Variants in RIMS2 observed in about 807,000 individuals in gnomAD.
RIMS2 encodes regulating synaptic membrane exocytosis protein 2.
Under a neutral mutation model 174.4 loss-of-function variants are expected in RIMS2, and 59 were observed. The observed-to-expected ratio is 0.34, with a 90% CI of 0.27 to 0.42. RIMS2 has a LOEUF of 0.42. RIMS2 is among the 10% of genes least tolerant of loss of function. The pLI is 1.00. For synonymous variants in RIMS2, 606 were observed against 572.5 expected, an observed-to-expected ratio of 1.06 and a Z score of -0.84; for missense variants, 1,620 against 1,666.3, an observed-to-expected ratio of 0.97 and a Z score of 0.48.
chr8:103,508,843 TGAG>T (rs1825042945), intron 1 of RIMS2, among the ~76,000 whole-genome samples: 1 of 151,932 alleles, frequency 6.6e-6, no homozygotes. Context: ...TTTGAAAAAT[TGAG>T]GAGCCAAAAT....
chr8:104,059,066 C>G (rs2096927657), intron 19 of RIMS2, among the ~76,000 whole-genome samples: 1 of 150,972 alleles, frequency 6.6e-6, no homozygotes, highest in Non-Finnish European at 1.5e-5. Flanking sequence ...TTTTTTGGTT[C>G]CATATGAACT....
intron 19 of RIMS2, among the ~76,000 whole-genome samples, chr8:104,231,854 A>G (rs1298624075): frequency 6.6e-6 from 1 of 152,214 alleles, no homozygotes; most frequent in East Asian, 1.9e-4. Flanking sequence ...ATTTTTAAAA[A>G]TTTAAAATTT....
intron 19 of RIMS2, among the ~76,000 whole-genome samples, chr8:104,125,329 T>C (rs912464394): frequency 4.6e-5 from 7 of 152,222 alleles, no homozygotes; most frequent in African/African-American, 1.7e-4. Context: ...ATGTTGCTTT[T>C]GTTGAAACCC....
chr8:104,094,774 T>A (rs1235721347), intron 19 of RIMS2: 3 of 590,882 alleles, frequency 5.1e-6, no homozygotes, highest in South Asian at 4.5e-5. Flanking sequence ...TAATGTAGTC[T>A]TTTTTACCAT....
chr8:103,989,945 ATTGT>A (rs1045421409), intron 17 of RIMS2, among the ~76,000 whole-genome samples: 24 of 152,216 alleles, frequency 1.6e-4, no homozygotes, highest in African/African-American at 5.5e-4. Context: ...CATCTTAAAG[ATTGT>A]TTGCTGTATT....
intron 1 of RIMS2, among the ~76,000 whole-genome samples, chr8:103,632,960 C>T (rs1266004892): frequency 6.7e-6 from 1 of 148,908 alleles, no homozygotes; most frequent in Non-Finnish European, 1.5e-5. Flanking sequence ...ATCTCTATCT[C>T]CTGACCCTGT....
Position 103,982,637 on chromosome 8 carries a change from GAAGTACTA to G in RIMS2, c.2928-6665_2928-6658del, listed in dbSNP as rs374383741. Among the ~76,000 whole-genome samples, 688 of 152,188 alleles carry G rather than the reference GAAGTACTA, an allele frequency of 4.5e-3. 5 individuals are homozygous for G. The highest frequency in any genetic ancestry group is 0.016 in the African/African-American group (650 of 41,538). ...ATGTGATATATCATATCATCAGAATGAAGTACTAAAACCATATGATTATTTTAATTGTT... is the reference window on the plus strand; with the variant it reads ...ATGTGATATATCATATCATCAGAATGAAACCATATGATTATTTTAATTGTT... On this transcript the variant is annotated intron_variant, in intron 16 of 23. Coordinates refer to ENST00000504942, the Ensembl canonical transcript of RIMS2.
intron 3 of RIMS2, among the ~76,000 whole-genome samples, chr8:103,781,729 T>C: frequency 1.4e-5 from 2 of 141,054 alleles, no homozygotes; most frequent in Admixed American, 7.8e-5. Context: ...GTATATTATC[T>C]CCCCTAATCT....
At chr8:103,536,712 A>T (rs1251264757) in intron 1 of RIMS2, among the ~76,000 whole-genome samples, 1 of 152,176 alleles carries the variant, frequency 6.6e-6, no homozygotes, top group Non-Finnish European at 1.5e-5. Flanking sequence ...CCATCATGAG[A>T]ACAGCACCAG....
chr8:103,721,008 G>A (rs773370820), intron 2 of RIMS2, among the ~76,000 whole-genome samples: 1 of 152,106 alleles, frequency 6.6e-6, no homozygotes, highest in Non-Finnish European at 1.5e-5. Flanking sequence ...TGTTAGAGGC[G>A]GGGCCTGGTG....
intron 1 of RIMS2, among the ~76,000 whole-genome samples, chr8:103,569,278 G>A (rs926574072): frequency 2.6e-5 from 4 of 151,972 alleles, no homozygotes; most frequent in African/African-American, 9.7e-5. Flanking sequence ...AGCACTATTT[G>A]TTGTAAATAC....
chr8:104,133,682 T>C (rs2098492841), intron 19 of RIMS2, among the ~76,000 whole-genome samples: 1 of 152,130 alleles, frequency 6.6e-6, no homozygotes, highest in East Asian at 1.9e-4. Context: ...GTGGCATGGA[T>C]TTGAATGGTC....
intron 16 of RIMS2, among the ~76,000 whole-genome samples, chr8:103,979,990 G>T (rs1482365540): frequency 6.6e-6 from 1 of 152,048 alleles, no homozygotes; most frequent in Admixed American, 6.6e-5. Flanking sequence ...TGGAGTCCTA[G>T]GTAAACTGGA....
intron 3 of RIMS2, among the ~76,000 whole-genome samples, chr8:103,784,878 A>G (rs1194492781): frequency 3.1e-5 from 4 of 129,850 alleles, no homozygotes; most frequent in African/African-American, 9.0e-5. Flanking sequence ...CATTTTCACG[A>G]TATTGATTCT....
At chr8:103,730,447 A>G (rs1445448649) in intron 2 of RIMS2, among the ~76,000 whole-genome samples, 1 of 151,988 alleles carries the variant, frequency 6.6e-6, no homozygotes, top group Non-Finnish European at 1.5e-5. Flanking sequence ...CTTGAAATGT[A>G]TTTTGTCTAA....
At chr8:103,818,015 T>C (rs1459961847) in intron 3 of RIMS2, among the ~76,000 whole-genome samples, 1 of 151,818 alleles carries the variant, frequency 6.6e-6, no homozygotes, top group East Asian at 1.9e-4. Flanking sequence ...TAAAATAAAA[T>C]AATAAACTGA....
chr8:104,227,167 A>T (rs1435191997), intron 19 of RIMS2, among the ~76,000 whole-genome samples: 1 of 147,764 alleles, frequency 6.8e-6, no homozygotes. Flanking sequence ...ATAAATTAAG[A>T]TTGTCGATGG....
chr8:103,582,424 C>G lies in RIMS2; in HGVS notation c.176+81362C>G, dbSNP rs528851900. The stretch of plus-strand genomic sequence containing the variant: ...AAAGCAGAGGGAAAAGTAAAGGGAA[C>G]TTTGTCTTGCACCTTAGGTGCCAAC... On this transcript the variant is annotated intron_variant, in intron 1 of 23. Transcript: ENST00000504942. Among the ~76,000 whole-genome samples the G allele has an allele frequency of 2.8e-4, 42 of 152,288 alleles. No individual in the cohort carries two copies. In the South Asian group the frequency reaches 3.7e-3, roughly 14 times the overall value.
At chr8:104,014,000 C>T (rs1157511790) in intron 18 of RIMS2, among the ~76,000 whole-genome samples, 1 of 152,016 alleles carries the variant, frequency 6.6e-6, no homozygotes, top group East Asian at 1.9e-4. Flanking sequence ...TTCTTTCTAT[C>T]GATACTAATA....
Sources: allele counts gnomAD v4.1 joint callset (sites outside exome capture counted in the v4.1 genomes callset), GRCh38; gene constraint gnomAD v4.1.1; transcripts MANE v1.5; gene names NCBI Gene and HGNC (gene_info 2026-07-23, HGNC 2026-07-21).